Variants in EFCAB6 observed in about 807,000 individuals in gnomAD.
EFCAB6 encodes the protein EF-hand calcium binding domain 6, also known as EF-hand calcium-binding domain-containing protein 6.
A neutral mutation model predicts 169.8 loss-of-function variants in EFCAB6; 156 were observed. That is an observed-to-expected ratio of 0.92 (90% CI 0.81 to 1.05). EFCAB6 has a LOEUF of 1.05. Ranked by LOEUF, EFCAB6 falls within the 50% of genes least tolerant of loss-of-function variation. EFCAB6 has a pLI of 0.00. For missense variants in EFCAB6, 1,800 were observed against 1,829.1 expected (o/e 0.98, Z 0.29); for synonymous variants, 698 against 676.4 (o/e 1.03, Z -0.50).
chr22:43,555,482 A>G (rs1327323708), intron 26 of EFCAB6, among the ~76,000 whole-genome samples: 1 of 152,250 alleles, frequency 6.6e-6, no homozygotes, highest in Non-Finnish European at 1.5e-5. Flanking sequence ...GGGAATGAAC[A>G]GGGATTGGCA....
At chr22:43,555,151 G>T (rs188943579) in intron 26 of EFCAB6, 55 bp from the exon 27 acceptor site, 1 of 1,578,536 alleles carries the variant, frequency 6.3e-7, no homozygotes, top group Non-Finnish European at 8.7e-7. Flanking sequence ...ACCACCTCTT[G>T]CTCTGGGCTC....
chr22:43,537,092 A>G lies in EFCAB6; in HGVS notation c.4048+285T>C. On this transcript the variant is annotated intron_variant, in intron 29 of 31. Transcript: ENST00000262726. This position sits in a 1 kb window ranked among gnomAD's most constrained non-coding sequence, Gnocchi z 4.3. ...GCAGTCAGAGTCTGTGAACATTCAC[A>G]CTCTGCCCAGGGTGGCAACCACTGT... 1 of 294,540 alleles carries G rather than the reference A, an allele frequency of 3.4e-6. No individual in the cohort carries two copies. Among genetic ancestry groups the G allele is most frequent in the Non-Finnish European group, 6.3e-6 (1 of 158,366 alleles). The allele number at this position is 294,540 out of a possible 1,614,324, so 18.2% of individuals were successfully genotyped here. A position where few individuals can be genotyped will look rare whatever the true frequency, so the allele number is the denominator to read the frequency against.
intron 4 of EFCAB6, among the ~76,000 whole-genome samples, chr22:43,766,846 A>G (rs527437663): frequency 6.6e-6 from 1 of 152,124 alleles, no homozygotes; most frequent in East Asian, 1.9e-4. Flanking sequence ...GTTTAAGATT[A>G]TTCCTTTTAT....
chr22:43,667,100 C>A lies in EFCAB6; in HGVS notation c.1983+4G>T, dbSNP rs969556919. On this transcript the variant is annotated splice_donor_region_variant and intron_variant, in intron 17 of 31. Coordinates refer to ENST00000262726, the MANE Select transcript of EFCAB6 (RefSeq NM_022785.4). ...TAGAAACAAAGAGAAACCCATTCTC[C>A]TACCTTCTTAAAGTCATGCACGTTA... 1.2e-6 allele frequency: 2 copies of A among 1,612,216 alleles called. No individual in the cohort carries two copies. The highest frequency in any genetic ancestry group is 2.7e-5 in the African/African-American group (2 of 74,718).
At chr22:43,730,270 G>T (rs1569449980) in intron 8 of EFCAB6, among the ~76,000 whole-genome samples, 12 of 92,688 alleles carry the variant, frequency 1.3e-4, no homozygotes, top group Non-Finnish European at 2.1e-4. Flanking sequence ...AAGGGAGCGA[G>T]GGAGGGAGGG....
intron 24 of EFCAB6, among the ~76,000 whole-genome samples, chr22:43,581,811 G>A (rs1325044404): frequency 6.6e-6 from 1 of 152,156 alleles, no homozygotes; most frequent in Non-Finnish European, 1.5e-5. Context: ...GCGTCGGGTC[G>A]GCTTGCATGA....
intron 26 of EFCAB6, among the ~76,000 whole-genome samples, chr22:43,575,237 C>T (rs1294425829): frequency 6.6e-6 from 1 of 152,046 alleles, no homozygotes; most frequent in Non-Finnish European, 1.5e-5. Context: ...GTCACCCAGG[C>T]TGGAGTGTAG....
At chr22:43,544,993 A>C (rs2047966630) in intron 27 of EFCAB6, among the ~76,000 whole-genome samples, 1 of 151,984 alleles carries the variant, frequency 6.6e-6, no homozygotes, top group South Asian at 2.1e-4. Flanking sequence ...AAAAGAAAAA[A>C]AAAATTAGCC....
intron 18 of EFCAB6, 24 bp downstream of exon 18, chr22:43,635,078 G>A (rs1602782123): frequency 1.3e-6 from 2 of 1,590,984 alleles, no homozygotes; most frequent in South Asian, 1.1e-5. Context: ...CATCCCACAG[G>A]GTGTGGACTT....
intron 2 of EFCAB6, among the ~76,000 whole-genome samples, chr22:43,783,774 T>C (rs965952786): frequency 6.6e-6 from 1 of 152,220 alleles, no homozygotes; most frequent in Non-Finnish European, 1.5e-5. Context: ...TAAAATGTCA[T>C]GGGCCTAGCA....
At chr22:43,778,515 C>G (rs1569484244) in intron 3 of EFCAB6, among the ~76,000 whole-genome samples, 1 of 152,144 alleles carries the variant, frequency 6.6e-6, no homozygotes, top group Non-Finnish European at 1.5e-5. Flanking sequence ...CACAGATGTT[C>G]CCAGGTGCAG....
At chr22:43,731,262 T>C (rs2059937278) in intron 8 of EFCAB6, among the ~76,000 whole-genome samples, 2 of 152,198 alleles carry the variant, frequency 1.3e-5, no homozygotes, top group South Asian at 4.1e-4. Context: ...CTAACATAAC[T>C]GCAAATTACT....
intron 20 of EFCAB6, among the ~76,000 whole-genome samples, chr22:43,619,918 A>G (rs1481226008): frequency 3.3e-5 from 5 of 152,220 alleles, no homozygotes; most frequent in African/African-American, 4.8e-5. Context: ...TAGATAAACA[A>G]AGACAAAACA....
chr22:43,541,315 G>A (rs1466101707), intron 27 of EFCAB6, among the ~76,000 whole-genome samples: 1 of 152,138 alleles, frequency 6.6e-6, no homozygotes, highest in African/African-American at 2.4e-5. Flanking sequence ...GGAGAGGTAC[G>A]GAAGTCGGGG....
At position 43,667,707 on chromosome 22, in the gene EFCAB6, C is replaced by T. The variant is rs567069722; in HGVS notation, c.1815-435G>A. On this transcript the variant is annotated intron_variant, in intron 16 of 31. Coordinates refer to ENST00000262726, the MANE Select transcript of EFCAB6 (RefSeq NM_022785.4). ...AAAGAAATAGGCTGTTTTGTGGTAA[C>T]TAGATCAAGGAAGTCATCAAACATC... Among the ~76,000 whole-genome samples, 422 of 152,260 alleles carry T rather than the reference C, an allele frequency of 2.8e-3. 3 individuals carry two copies. The highest frequency in any genetic ancestry group is 4.2e-3 in the Non-Finnish European group (283 of 68,012).
rs1296519700 is a variant in EFCAB6, at chr22:43,580,355, C to T, written c.3228+109G>A. On this transcript the variant is annotated intron_variant, in intron 25 of 31. Coordinates refer to ENST00000262726, the MANE Select transcript of EFCAB6 (RefSeq NM_022785.4). Reference sequence around the variant, plus strand: ...AAAACTCTGCTCATGGTTAACTAGACACCCCAAGGAGAATGAACAGAGGTG... The same window carrying T: ...AAAACTCTGCTCATGGTTAACTAGATACCCCAAGGAGAATGAACAGAGGTG... The T allele has an allele frequency of 5.1e-6, 6 of 1,184,260 alleles. No homozygotes were observed. The South Asian group carries it at 6.0e-5, about 12-fold the overall frequency. The allele number at this position is 1,184,260 out of a possible 1,614,324, so 73.4% of individuals were successfully genotyped here.
At chr22:43,541,017 T>C (rs2147073233) in intron 27 of EFCAB6, among the ~76,000 whole-genome samples, 1 of 152,200 alleles carries the variant, frequency 6.6e-6, no homozygotes. Context: ...CCACTTTTGG[T>C]AACTGGAGGG....
chr22:43,732,507 G>A (rs1244306315), intron 7 of EFCAB6, among the ~76,000 whole-genome samples: 1 of 116,394 alleles, frequency 8.6e-6, no homozygotes, highest in East Asian at 2.6e-4. Flanking sequence ...TCGCTCTGTT[G>A]CCCAGGCTAG....
At chr22:43,686,074 T>G (rs898518841) in intron 11 of EFCAB6, among the ~76,000 whole-genome samples, 19 of 149,864 alleles carry the variant, frequency 1.3e-4, no homozygotes, top group African/African-American at 4.7e-4. Context: ...CTCTGCATCC[T>G]GGGTTCAAGC....
Sources: gnomAD v4.1 joint callset for allele counts (sites outside exome capture counted in the v4.1 genomes callset) on GRCh38, gnomAD v4.1.1 for gene constraint, Gnocchi (gnomAD v3.1) non-coding constraint, MANE v1.5 for transcripts, NCBI Gene and HGNC (gene_info 2026-07-23, HGNC 2026-07-21) for gene names.